The following SKIC3 variants were observed in gnomAD, a reference collection of about 807,000 sequenced individuals.
The protein encoded by SKIC3 is superkiller complex protein 3.
chr5:95,523,810 C>T, the SKIC3 span: 1 of 1,613,216 alleles, frequency 6.2e-7, no homozygotes, highest in African/African-American at 1.3e-5. Context: ...AAAACTTTGC[C>T]CATATATGTA....
chr5:95,533,606 A>C, the SKIC3 span, among the ~76,000 whole-genome samples: 1 of 152,222 alleles, frequency 6.6e-6, no homozygotes, highest in Non-Finnish European at 1.5e-5. Context: ...CCCTGATTTT[A>C]CCATATCTGT....
At chr5:95,482,711 G>C in the SKIC3 span, 1 of 1,525,698 alleles carries the variant, frequency 6.6e-7, no homozygotes, top group Non-Finnish European at 9.0e-7. Context: ...CTCCAAGTTG[G>C]GAAAATAAAA....
At chr5:95,509,149 G>C in the SKIC3 span, among the ~76,000 whole-genome samples, 1 of 152,124 alleles carries the variant, frequency 6.6e-6, no homozygotes, top group Non-Finnish European at 1.5e-5. Context: ...CAGGAAAGGA[G>C]TCAAAACAAT....
chr5:95,484,621 A>G, the SKIC3 span: 1 of 1,518,896 alleles, frequency 6.6e-7, no homozygotes, highest in Admixed American at 1.7e-5. Context: ...TGCCAGGAAT[A>G]CAGGAGTGAG....
chr5:95,542,295 T>C, the SKIC3 span, among the ~76,000 whole-genome samples: 7 of 152,196 alleles, frequency 4.6e-5, no homozygotes, highest in Non-Finnish European at 7.3e-5. Context: ...TGTGATATCA[T>C]TGACATATAA....
At chr5:95,489,876 A>G in the SKIC3 span, among the ~76,000 whole-genome samples, 1 of 152,162 alleles carries the variant, frequency 6.6e-6, no homozygotes, top group African/African-American at 2.4e-5. Context: ...CACTTAATAA[A>G]TTCATTTTAT....
the SKIC3 span, chr5:95,497,478 C>G: frequency 1.9e-6 from 3 of 1,613,388 alleles, no homozygotes; most frequent in Admixed American, 5.0e-5. Flanking sequence ...AGAGCAGGGT[C>G]ACCAGGGTTG....
the SKIC3 span, chr5:95,498,354 C>G: frequency 6.2e-7 from 1 of 1,613,544 alleles, no homozygotes. Flanking sequence ...TCCAGGTTCA[C>G]AAATACAGAA....
the SKIC3 span, among the ~76,000 whole-genome samples, chr5:95,493,868 T>A: frequency 6.6e-6 from 1 of 151,912 alleles, no homozygotes; most frequent in Non-Finnish European, 1.5e-5. Context: ...TGCTAGACAT[T>A]CCAGTCTTCT....
At chr5:95,540,789 T>C in the SKIC3 span, 96 of 1,614,120 alleles carry the variant, frequency 5.9e-5, 1 homozygote, top group Admixed American at 1.6e-3. Flanking sequence ...CTGCACCTTG[T>C]TCCTGCCGTG....
the SKIC3 span, chr5:95,495,221 G>A: frequency 6.6e-5 from 37 of 557,380 alleles, 1 homozygote; most frequent in African/African-American, 4.1e-4. Flanking sequence ...CTTTTCTACT[G>A]TGACCAACTC....
the SKIC3 span, among the ~76,000 whole-genome samples, chr5:95,539,825 C>A: frequency 2.2e-5 from 3 of 135,510 alleles, no homozygotes; most frequent in African/African-American, 6.1e-5. Flanking sequence ...GCCTGGGCAA[C>A]AGAGTGACAC....
the SKIC3 span, among the ~76,000 whole-genome samples, chr5:95,501,106 T>C: frequency 1.3e-5 from 2 of 151,732 alleles, no homozygotes; most frequent in Admixed American, 1.3e-4. Context: ...TGGGTACAAC[T>C]AAAAAAGCCA....
At chr5:95,527,808 A>G in the SKIC3 span, among the ~76,000 whole-genome samples, 1 of 152,242 alleles carries the variant, frequency 6.6e-6, no homozygotes, top group Non-Finnish European at 1.5e-5. Flanking sequence ...TTATATGATG[A>G]GTACTATAAG....
chr5:95,516,936 A>G, the SKIC3 span: 16 of 1,608,734 alleles, frequency 9.9e-6, no homozygotes, highest in Non-Finnish European at 1.4e-5. Context: ...TTCTCCAGCA[A>G]CTCCTTAAGA....
At chr5:95,512,608 G>T in the SKIC3 span, 6 of 1,613,732 alleles carry the variant, frequency 3.7e-6, no homozygotes, top group Admixed American at 1.7e-5. Context: ...ATAACCTAAT[G>T]CTCCTTCAGT....
the SKIC3 span, among the ~76,000 whole-genome samples, chr5:95,475,473 G>T: frequency 2.0e-5 from 3 of 152,220 alleles, no homozygotes; most frequent in African/African-American, 7.2e-5. Flanking sequence ...AGACGTGCCT[G>T]CTTCCCCTTT....
the SKIC3 span, chr5:95,490,777 C>T: frequency 6.5e-5 from 77 of 1,186,464 alleles, no homozygotes; most frequent in Admixed American, 1.1e-3. Context: ...GGATTACAGG[C>T]GTGAGCCACC....
At chr5:95,525,766 G>C in the SKIC3 span, 1 of 1,160,506 alleles carries the variant, frequency 8.6e-7, no homozygotes, top group Non-Finnish European at 1.3e-6. Flanking sequence ...AGAAAAGCAT[G>C]GTCCTAATAG....
Sources: allele counts gnomAD v4.1 joint callset (sites outside exome capture counted in the v4.1 genomes callset), GRCh38; gene constraint gnomAD v4.1.1; transcripts MANE v1.5; gene names NCBI Gene and HGNC (gene_info 2026-07-23, HGNC 2026-07-21).